Variants in BCAS3 observed in about 807,000 individuals in gnomAD.
BCAS3 encodes the protein BCAS4/BCAS3 fusion.
In BCAS3, 53 loss-of-function variants were observed where a neutral mutation model predicts 116.1. That is an observed-to-expected ratio of 0.46 (90% CI 0.37 to 0.57). The LOEUF (loss-of-function observed/expected upper bound fraction) is 0.57. Among genes scored for constraint, BCAS3 ranks in the 20% least tolerant of loss-of-function variants. The pLI is 0.00. For synonymous variants in BCAS3, 391 were observed against 408.2 expected, an observed-to-expected ratio of 0.96 and a Z score of 0.51; for missense variants, 917 against 1,165.4, an observed-to-expected ratio of 0.79 and a Z score of 3.10.
intron 7 of BCAS3, among the ~76,000 whole-genome samples, chr17:60,857,184 G>A (rs1190569393): frequency 6.6e-6 from 1 of 152,102 alleles, no homozygotes; most frequent in African/African-American, 2.4e-5. Flanking sequence ...CCTTTACTAT[G>A]CATTTTTATA....
chr17:61,003,004 AC>A (rs1298166855), intron 15 of BCAS3, among the ~76,000 whole-genome samples: 6 of 151,900 alleles, frequency 3.9e-5, no homozygotes, highest in African/African-American at 1.2e-4. Context: ...GAAAGGAGGC[AC>A]TTTTTGGCCT....
intron 4 of BCAS3, among the ~76,000 whole-genome samples, chr17:60,701,602 A>C (rs1484799095): frequency 6.6e-6 from 1 of 152,142 alleles, no homozygotes; most frequent in Non-Finnish European, 1.5e-5. Context: ...AATTAAGAAA[A>C]AGATATGTCA....
At chr17:61,045,653 T>C (rs1001820246) in intron 19 of BCAS3, among the ~76,000 whole-genome samples, 1 of 147,462 alleles carries the variant, frequency 6.8e-6, no homozygotes, top group Non-Finnish European at 1.5e-5. Flanking sequence ...CCATCTCTAC[T>C]AAAAATACAA....
intron 19 of BCAS3, chr17:61,069,795 C>T (rs2071122080): frequency 1.4e-6 from 1 of 694,112 alleles, no homozygotes; most frequent in Non-Finnish European, 2.5e-6. Flanking sequence ...GAGATCATGC[C>T]ACTGCACTCC....
intron 5 of BCAS3, among the ~76,000 whole-genome samples, chr17:60,725,488 A>G (rs575513652): frequency 1.3e-4 from 20 of 152,296 alleles, no homozygotes; most frequent in African/African-American, 4.6e-4. Flanking sequence ...AGATGTGAGC[A>G]TTGTCTTGAG....
At chr17:61,119,350 C>CTACCA (rs1352268779) in intron 22 of BCAS3, among the ~76,000 whole-genome samples, 2 of 152,006 alleles carry the variant, frequency 1.3e-5, no homozygotes, top group Non-Finnish European at 2.9e-5. Flanking sequence ...AAAGAATCAC[C>CTACCA]TACCATGACC....
rs2065404251 is a variant in BCAS3, at chr17:61,015,651, T to G, written c.1487-100T>G. The stretch of plus-strand genomic sequence containing the variant: ...ATCAATTCTACCTTTGATGCCTTTC[T>G]TAAATGATTACTGGAGTCAGTGAAA... On this transcript the variant is annotated intron_variant, in intron 15 of 23. Transcript: ENST00000407086. 6 of 1,230,240 alleles carry G rather than the reference T, an allele frequency of 4.9e-6. No individual in the cohort carries two copies. In the East Asian group the frequency reaches 1.4e-4, roughly 29 times the overall value. The allele number at this position is 1,230,240 out of a possible 1,614,324, so 76.2% of individuals were successfully genotyped here.
At chr17:60,843,141 T>G (rs1000173071) in intron 7 of BCAS3, among the ~76,000 whole-genome samples, 2 of 151,726 alleles carry the variant, frequency 1.3e-5, no homozygotes, top group African/African-American at 4.8e-5. Context: ...TAGTATATAT[T>G]TTTAAAAATT....
At chr17:61,271,874 A>T (rs1247754706) in intron 22 of BCAS3, among the ~76,000 whole-genome samples, 1 of 151,966 alleles carries the variant, frequency 6.6e-6, no homozygotes, top group Non-Finnish European at 1.5e-5. Context: ...CAATGGTGCA[A>T]TCATACCTCA....
intron 22 of BCAS3, among the ~76,000 whole-genome samples, chr17:61,116,059 G>A (rs2143772835): frequency 6.8e-6 from 1 of 146,720 alleles, no homozygotes; most frequent in Non-Finnish European, 1.5e-5. Context: ...CATGGACACA[G>A]GAAGGGGAAT....
In BCAS3 at chr17:61,285,880, T is replaced by C. The variant is rs2051723248; in HGVS notation, c.2426-82447T>C. ...GGCGAATCAGCTTTAGTCCTCTAAATTCTAAAGCTCTACCAATTTTTTTTT... is the reference window on the plus strand; with the variant it reads ...GGCGAATCAGCTTTAGTCCTCTAAACTCTAAAGCTCTACCAATTTTTTTTT... On this transcript the variant is annotated intron_variant, in intron 22 of 23. Transcript: ENST00000407086. The surrounding 1 kb of genome is among the most constrained non-coding windows in gnomAD (Gnocchi z 5.4). Among the ~76,000 whole-genome samples, 1 of 152,184 alleles carries C rather than the reference T, an allele frequency of 6.6e-6. No homozygotes were observed. The highest frequency in any genetic ancestry group is 6.6e-5 in the Admixed American group (1 of 15,266).
At chr17:61,329,594 G>C (rs899751639) in intron 22 of BCAS3, among the ~76,000 whole-genome samples, 2 of 152,118 alleles carry the variant, frequency 1.3e-5, no homozygotes, top group African/African-American at 2.4e-5. Context: ...ACCGGCCTCG[G>C]CCTCCCAAAG....
In BCAS3 at chr17:61,130,484, G is replaced by A. The variant is rs1322972143; in HGVS notation, c.2425+45920G>A. Among the ~76,000 whole-genome samples, 1 of 151,990 alleles carries A rather than the reference G, an allele frequency of 6.6e-6. No individual in the cohort carries two copies. The highest frequency in any genetic ancestry group is 1.5e-5 in the Non-Finnish European group (1 of 68,004). Reference sequence around the variant, plus strand: ...AACCAAATCGGTCCCACAAACATAAGCCTCTCTAACCCTGCCACCTCCCCC... The same window carrying A: ...AACCAAATCGGTCCCACAAACATAAACCTCTCTAACCCTGCCACCTCCCCC... On this transcript the variant is annotated intron_variant, in intron 22 of 23. Transcript: ENST00000407086. This position sits in a 1 kb window ranked among gnomAD's most constrained non-coding sequence, Gnocchi z 5.0.
intron 5 of BCAS3, among the ~76,000 whole-genome samples, chr17:60,724,347 C>T (rs959669685): frequency 2.1e-5 from 3 of 143,896 alleles, no homozygotes; most frequent in African/African-American, 5.2e-5. Flanking sequence ...TGCTTGAACC[C>T]GGGAGGCACA....
chr17:60,851,594 C>T lies in BCAS3; in HGVS notation c.477-16982C>T, dbSNP rs969608388. On this transcript the variant is annotated intron_variant, in intron 7 of 23. Coordinates refer to ENST00000407086, the MANE Select transcript of BCAS3 (RefSeq NM_017679.5). ...CCAAAACTTGGGTTAAAGCTTGAAA[C>T]GAGGAAGTACAAATAAAAGGGCAAA... is the stretch of plus-strand genomic sequence containing the variant. 58 of 633,592 alleles carry T rather than the reference C, an allele frequency of 9.2e-5. 1 individual carries two copies. Among genetic ancestry groups the T allele is most frequent in the South Asian group, 7.3e-4 (43 of 59,152 alleles). 39.2% of individuals were successfully genotyped at this position (633,592 alleles called of 1,614,324 possible). A position where few individuals can be genotyped will look rare whatever the true frequency, so the allele number is the denominator to read the frequency against.
intron 22 of BCAS3, among the ~76,000 whole-genome samples, chr17:61,111,050 A>T (rs1388642504): frequency 5.3e-5 from 8 of 151,582 alleles, no homozygotes; most frequent in African/African-American, 1.9e-4. Context: ...GAAAACTAAC[A>T]AACAGAAAGG....
rs771329226 is a variant in BCAS3, at chr17:60,889,786, G to A, written c.738+15G>A. On this transcript the variant is annotated intron_variant, in intron 10 of 23. Transcript: ENST00000407086. The stretch of plus-strand genomic sequence containing the variant: ...CAGAAAACAAGGTAAGACGTGGCCT[G>A]TGTTTGGATTATTTGTAATGGAGCA... 6.2e-7 allele frequency: 1 copy of A among 1,601,140 alleles called. No individual in the cohort carries two copies. The highest frequency in any genetic ancestry group is 8.6e-7 in the Non-Finnish European group (1 of 1,169,518).
At chr17:60,719,403 A>G (rs927622679) in intron 5 of BCAS3, among the ~76,000 whole-genome samples, 3 of 152,240 alleles carry the variant, frequency 2.0e-5, no homozygotes, top group Admixed American at 6.5e-5. Context: ...ATCAAAAAAT[A>G]ATTCGTCTTT....
rs2059615054 is a variant in BCAS3 at position 61,381,742 on chromosome 17, A to G, written c.2594-10235A>G. ...CGTGTGTGTGCCTGTCCCCAGGGCC[A>G]GCATTCTTCAGCACGCAGATGCCAT... is the stretch of plus-strand genomic sequence containing the variant. On this transcript the variant is annotated intron_variant, in intron 23 of 23. Coordinates refer to ENST00000407086, the MANE Select transcript of BCAS3 (RefSeq NM_017679.5). This position sits in a 1 kb window ranked among gnomAD's most constrained non-coding sequence, Gnocchi z 6.0. 2.0e-5 allele frequency among the ~76,000 whole-genome samples: 3 copies of G among 152,186 alleles called. No individual in the cohort carries two copies. The highest frequency in any genetic ancestry group is 2.1e-4 in the South Asian group (1 of 4,832).
Sources: gnomAD v4.1 joint callset for allele counts (sites outside exome capture counted in the v4.1 genomes callset) on GRCh38, gnomAD v4.1.1 for gene constraint, Gnocchi (gnomAD v3.1) non-coding constraint, MANE v1.5 for transcripts, NCBI Gene and HGNC (gene_info 2026-07-23, HGNC 2026-07-21) for gene names.